Variants in SPAG16 observed in about 807,000 individuals in gnomAD.
The protein encoded by SPAG16 is sperm associated antigen 16, also known as sperm-associated antigen 16 protein.
A neutral mutation model predicts 80.4 loss-of-function variants in SPAG16; 86 were observed. The ratio of observed to expected loss-of-function variants is 1.07; its 90% CI spans 0.90 to 1.28. The LOEUF (loss-of-function observed/expected upper bound fraction) is 1.28, where lower values mean the gene tolerates loss of function less well. Among genes scored for constraint, SPAG16 ranks in the 50% most tolerant of loss-of-function variants. The pLI, the probability that SPAG16 is intolerant of heterozygous loss-of-function variation, is 0.00. For synonymous variants in SPAG16, 294 were observed against 265.9 expected, an observed-to-expected ratio of 1.11 and a Z score of -1.03; for missense variants, 870 against 765.3, an observed-to-expected ratio of 1.14 and a Z score of -1.61.
intron 12 of SPAG16, among the ~76,000 whole-genome samples, chr2:214,005,909 G>A (rs2047006903): frequency 6.6e-6 from 1 of 152,076 alleles, no homozygotes; most frequent in Non-Finnish European, 1.5e-5. Flanking sequence ...TTGCAGTCTA[G>A]GGATTTAAAT....
At position 213,286,100 on chromosome 2, in the gene SPAG16, G is replaced by A. The variant is rs536615053; in HGVS notation, c.136+1481G>A. Reference sequence around the variant, plus strand: ...AAAATCAGGTTTACTTAATGTGCAGGGAGATCACTGAGTCACACCTGCCAA... The same window carrying A: ...AAAATCAGGTTTACTTAATGTGCAGAGAGATCACTGAGTCACACCTGCCAA... On this transcript the variant is annotated intron_variant, in intron 1 of 15. Coordinates refer to ENST00000331683, the MANE Select transcript of SPAG16 (RefSeq NM_024532.5). Among the ~76,000 whole-genome samples the A allele has an allele frequency of 3.9e-5, 6 of 152,228 alleles. No homozygotes were observed. In the East Asian group the frequency reaches 1.2e-3, roughly 29 times the overall value.
chr2:213,995,425 A>C (rs2046470415), intron 12 of SPAG16, among the ~76,000 whole-genome samples: 1 of 152,218 alleles, frequency 6.6e-6, no homozygotes, highest in Admixed American at 6.5e-5. Context: ...TCTTGCCATG[A>C]ATAGCATATA....
chr2:214,136,483 T>C (rs1426995121), intron 14 of SPAG16, among the ~76,000 whole-genome samples: 2 of 152,210 alleles, frequency 1.3e-5, no homozygotes, highest in African/African-American at 4.8e-5. Flanking sequence ...TAGTGCTGTG[T>C]TGTGTACTTT....
At chr2:214,257,701 A>G (rs1390617022) in intron 15 of SPAG16, among the ~76,000 whole-genome samples, 3 of 152,154 alleles carry the variant, frequency 2.0e-5, no homozygotes, top group Non-Finnish European at 4.4e-5. Flanking sequence ...CATTATCATG[A>G]TGCATTGTTC....
intron 12 of SPAG16, among the ~76,000 whole-genome samples, chr2:213,970,022 G>C (rs538509341): frequency 9.9e-5 from 15 of 152,222 alleles, no homozygotes; most frequent in African/African-American, 2.9e-4. Context: ...GTTTGGTGAG[G>C]GCTTGCTGCC....
At chr2:213,757,952 G>A (rs980948530) in intron 10 of SPAG16, 4 of 152,278 alleles carry the variant, frequency 2.6e-5, no homozygotes, top group Non-Finnish European at 2.9e-5. Context: ...AAAAGGGCCA[G>A]TGCCCTTCTC....
chr2:213,684,650 T>A (rs1198981202), intron 10 of SPAG16, among the ~76,000 whole-genome samples: 1 of 152,210 alleles, frequency 6.6e-6, no homozygotes. Flanking sequence ...CCCTCATGAC[T>A]TTTCCGCTCT....
intron 2 of SPAG16, 116 bp downstream of exon 2, chr2:213,296,226 G>A (rs2062490664): frequency 5.7e-6 from 4 of 701,708 alleles, no homozygotes; most frequent in Non-Finnish European, 9.6e-6. Flanking sequence ...AGAGATACCA[G>A]TTTTTCAACT....
intron 15 of SPAG16, among the ~76,000 whole-genome samples, chr2:214,165,599 C>A (rs916423723): frequency 7.0e-6 from 1 of 143,030 alleles, no homozygotes; most frequent in Non-Finnish European, 1.5e-5. Context: ...TGGGCCTAAA[C>A]TATTCTATAA....
intron 10 of SPAG16, among the ~76,000 whole-genome samples, chr2:213,513,593 A>C (rs2075313872): frequency 6.6e-6 from 1 of 152,186 alleles, no homozygotes. Context: ...GATTTTGAGA[A>C]GGGTGAAAAC....
At chr2:213,308,796 A>G (rs1468964616) in intron 3 of SPAG16, among the ~76,000 whole-genome samples, 2 of 152,150 alleles carry the variant, frequency 1.3e-5, no homozygotes, top group Non-Finnish European at 2.9e-5. Flanking sequence ...TAATGAAGAC[A>G]TTTAATCTAT....
At chr2:213,334,986 G>A (rs2064279802) in intron 5 of SPAG16, among the ~76,000 whole-genome samples, 1 of 152,120 alleles carries the variant, frequency 6.6e-6, no homozygotes, top group African/African-American at 2.4e-5. Flanking sequence ...TGCTTGAGGG[G>A]ATGGATGCTC....
intron 9 of SPAG16, among the ~76,000 whole-genome samples, chr2:213,435,036 A>T (rs553981088): frequency 6.6e-6 from 1 of 152,356 alleles, no homozygotes; most frequent in East Asian, 1.9e-4. Flanking sequence ...ACTATTCATA[A>T]TAGGACAGAT....
chr2:213,441,203 A>G (rs767841670), intron 9 of SPAG16, among the ~76,000 whole-genome samples: 1 of 152,218 alleles, frequency 6.6e-6, no homozygotes, highest in Non-Finnish European at 1.5e-5. Flanking sequence ...ATATAAGCAC[A>G]TTCAACATAA....
chr2:214,318,724 A>T (rs1008096075), intron 15 of SPAG16, among the ~76,000 whole-genome samples: 1 of 152,242 alleles, frequency 6.6e-6, no homozygotes, highest in East Asian at 1.9e-4. Flanking sequence ...TTCAAAATTT[A>T]GACCAGGCCT....
chr2:213,384,684 A>G (rs1244862577), intron 9 of SPAG16, among the ~76,000 whole-genome samples: 1 of 152,138 alleles, frequency 6.6e-6, no homozygotes, highest in Non-Finnish European at 1.5e-5. Context: ...TTCGTCAGGA[A>G]GTTCTGTGTG....
intron 15 of SPAG16, among the ~76,000 whole-genome samples, chr2:214,191,701 G>A (rs2057667975): frequency 8.1e-6 from 1 of 122,752 alleles, no homozygotes; most frequent in African/African-American, 3.2e-5. Flanking sequence ...GCAACAGAGT[G>A]AGACTCTGTC....
chr2:214,142,218 T>C (rs1239893924), intron 14 of SPAG16, among the ~76,000 whole-genome samples: 4 of 152,196 alleles, frequency 2.6e-5, no homozygotes, highest in Non-Finnish European at 5.9e-5. Flanking sequence ...ACATTTTAAT[T>C]CTCTTGGATT....
chr2:213,824,109 C>A (rs940060732), intron 10 of SPAG16, among the ~76,000 whole-genome samples: 3 of 152,160 alleles, frequency 2.0e-5, no homozygotes, highest in African/African-American at 7.2e-5. Context: ...AGGAAGGGGT[C>A]CAGTTTCAGT....
Sources: gnomAD v4.1 joint callset for allele counts (sites outside exome capture counted in the v4.1 genomes callset) on GRCh38, gnomAD v4.1.1 for gene constraint, MANE v1.5 for transcripts, NCBI Gene and HGNC (gene_info 2026-07-23, HGNC 2026-07-21) for gene names.